DHX34: variants seen among roughly 807,000 people sequenced by gnomAD.
DHX34 encodes probable ATP-dependent RNA helicase DHX34.
A neutral mutation model predicts 111.1 loss-of-function variants in DHX34; 96 were observed. That is an observed-to-expected ratio of 0.86 (90% CI 0.73 to 1.02). The LOEUF is 1.02. DHX34 is among the 50% of genes least tolerant of loss of function. The probability of loss-of-function intolerance (pLI) is 0.00; values close to 1 mark genes in which losing one functional copy is unlikely to be tolerated. For missense variants in DHX34, 1,560 were observed against 1,579.9 expected (o/e 0.99, Z 0.21); for synonymous variants, 688 against 670.4 (o/e 1.03, Z -0.41).
At chr19:47,374,664 C>G (rs1775753223) in intron 9 of DHX34, among the ~76,000 whole-genome samples, 2 of 152,018 alleles carry the variant, frequency 1.3e-5, no homozygotes, top group African/African-American at 4.8e-5. Context: ...ACCCAGCCGA[C>G]ACCTCCGGTA....
At chr19:47,349,791 A>G (rs1387175451) in intron 1 of DHX34, among the ~76,000 whole-genome samples, 2 of 152,110 alleles carry the variant, frequency 1.3e-5, no homozygotes, top group East Asian at 1.9e-4. Context: ...AAAAAATGGA[A>G]TTTAGATGGA....
At chr19:47,358,149 CGGGG>C in intron 4 of DHX34, 29 bp downstream of exon 4, 1 of 1,592,788 alleles carries the variant, frequency 6.3e-7, no homozygotes, top group South Asian at 1.1e-5. Flanking sequence ...GTGGGGCAGG[CGGGG>C]GGTCTGCATG....
chr19:47,375,829 C>G, intron 10 of DHX34, 95 bp from the exon 11 acceptor site: 1 of 1,543,838 alleles, frequency 6.5e-7, no homozygotes, highest in Non-Finnish European at 8.7e-7. Flanking sequence ...ATGGACGGTG[C>G]TTGGTCCCAG....
intron 16 of DHX34, 102 bp from the exon 17 acceptor site, chr19:47,381,878 G>A: frequency 1.3e-6 from 2 of 1,567,284 alleles, no homozygotes; most frequent in Non-Finnish European, 1.7e-6. Context: ...TTCTCCAAAG[G>A]CCAGGAGAGA....
Position 47,375,595 on chromosome 19 carries a change from G to A in DHX34, c.2194G>A (p.Ala732Thr), listed in dbSNP as rs1464050965. 8.4e-6 allele frequency: 13 copies of A among 1,546,670 alleles called. No individual in the cohort carries two copies. Among genetic ancestry groups the A allele is most frequent in the Middle Eastern group, 3.4e-4 (2 of 5,940 alleles). The change falls in exon 10 of 17, where the codon GCG becomes ACG. Residue 732 changes from alanine (A) to threonine (T), a missense_variant. Physicochemically the swap from Ala to Thr is moderately conservative, Grantham distance 58. Coordinates refer to ENST00000328771, the MANE Select transcript of DHX34 (RefSeq NM_014681.6). ...GCTGAAACGCCAGCACGAGGAGGGC[G>A]CGGGGCGCAGGCGCAAGGTGCTGCG... ...HQLKRQHEEG[A>T]GRRRKVLRLQ...
Position 47,376,832 on chromosome 19 carries a change from A to G in DHX34, c.2600-268A>G, listed in dbSNP as rs1568406427. On this transcript the variant is annotated intron_variant, in intron 12 of 16. Transcript: ENST00000328771. Reference sequence around the variant, plus strand: ...GAGCACCGGTCAGGGGGCCTGTCCTATGGACTCTGTGAGCTCCCAGGTGGG... The same window carrying G: ...GAGCACCGGTCAGGGGGCCTGTCCTGTGGACTCTGTGAGCTCCCAGGTGGG... 14 of 1,529,372 alleles carry G rather than the reference A, an allele frequency of 9.2e-6. No homozygotes were observed. In the East Asian group the frequency reaches 1.5e-4, roughly 16 times the overall value. The allele number at this position is 1,529,372 out of a possible 1,614,324, so 94.7% of individuals were successfully genotyped here.
rs375987145 is a variant in DHX34, at chr19:47,353,409, G to A, written c.379G>A (p.Ala127Thr). ...TCAGGGACTGGGCAGGCACTTGCCC[G>A]CGGAGAGAGTGGCTGAGTTCCGCCG... ...GSQGLGRHLP[A>T]ERVAEFRRAL... The change falls in exon 2 of 17, where the codon GCG (alanine) becomes ACG (threonine). Residue 127 changes from alanine to threonine, a missense_variant. Physicochemically the swap from Ala to Thr is moderately conservative, Grantham distance 58. Coordinates refer to ENST00000328771, the MANE Select transcript of DHX34 (RefSeq NM_014681.6). The surrounding 1 kb of genome is among the most constrained non-coding windows in gnomAD (Gnocchi z 4.6). 29 of 1,614,194 alleles carry A rather than the reference G, an allele frequency of 1.8e-5. No homozygotes were observed. The Admixed American group carries it at 3.2e-4, about 18-fold the overall frequency.
rs753241070 is a variant in DHX34, at chr19:47,352,987, G to C, written c.-44G>C. 2 of 1,570,284 alleles carry C rather than the reference G, an allele frequency of 1.3e-6. No homozygotes were observed. Among genetic ancestry groups the C allele is most frequent in the Non-Finnish European group, 8.7e-7 (1 of 1,155,156 alleles). ...AGGTGGGGAATGGATGAGAATATTT[G>C]TTTTGGGTGATCAGAACTGAGACTC... On this transcript the variant is annotated 5_prime_UTR_variant, in exon 2 of 17. Transcript: ENST00000328771.
rs534005365 is a variant in DHX34 at position 47,360,138 on chromosome 19, C to T, written c.1375+68C>T. 2.0e-4 allele frequency: 304 copies of T among 1,487,762 alleles called. No homozygotes were observed. In the South Asian group the frequency reaches 2.3e-3, roughly 11 times the overall value. The allele number at this position is 1,487,762 out of a possible 1,614,324, so 92.2% of individuals were successfully genotyped here. A position where few individuals can be genotyped will look rare whatever the true frequency, so the allele number is the denominator to read the frequency against. The stretch of plus-strand genomic sequence containing the variant: ...TAGGAGCATGGGGTCCGGAGGTGTG[C>T]GTGTGTGGCAGGGGCGCACCAGCTT... On this transcript the variant is annotated intron_variant, in intron 5 of 16. Transcript: ENST00000328771.
chr19:47,355,142 T>C lies in DHX34; in HGVS notation c.809T>C (p.Leu270Pro). 6.2e-7 allele frequency: 1 copy of C among 1,614,110 alleles called. No homozygotes were observed. The highest frequency in any genetic ancestry group is 8.5e-7 in the Non-Finnish European group (1 of 1,180,028). ...CGACAAATCCAGCGGGAACCCAGCC[T>C]GCCCCAGTATGAGGTCCTGATTGTG... is the stretch of plus-strand genomic sequence containing the variant. Reference protein sequence around the residue: ...LLRQIQREPSLPQYEVLIVDE... With the variant: ...LLRQIQREPSPPQYEVLIVDE... Residue 270 changes from leucine (L) to proline (P), a missense_variant, in exon 3 of 17, where the codon CTG becomes CCG. Coordinates refer to ENST00000328771, the MANE Select transcript of DHX34 (RefSeq NM_014681.6).
At chr19:47,357,265 T>C (rs934430021) in intron 3 of DHX34, among the ~76,000 whole-genome samples, 2 of 152,226 alleles carry the variant, frequency 1.3e-5, no homozygotes, top group African/African-American at 4.8e-5. Flanking sequence ...AGATAATGCA[T>C]GCATTGTAAG....
In DHX34 at chr19:47,372,808, C is replaced by T. The variant is rs760291988; in HGVS notation, c.1847C>T (p.Ser616Leu). The part of the protein sequence containing the change: ...LTIAAALSVQ[S>L]PFTRSAQSSP... ...ATCGCAGCCGCACTTAGCGTCCAGT[C>T]GCCCTTCACCCGCAGCGCCCAGAGC... is the stretch of plus-strand genomic sequence containing the variant. The change falls in exon 8 of 17, where the codon TCG becomes TTG. Residue 616 changes from serine to leucine, a missense_variant. Physicochemically the swap from Ser to Leu is moderately radical, Grantham distance 145. Transcript: ENST00000328771. 36 of 1,613,016 alleles carry T rather than the reference C, an allele frequency of 2.2e-5. No individual in the cohort carries two copies. Among genetic ancestry groups the T allele is most frequent in the Non-Finnish European group, 2.7e-5 (32 of 1,179,856 alleles).
intron 15 of DHX34, 66 bp from the exon 16 acceptor site, chr19:47,381,119 CG>C (rs201698827): frequency 2.5e-5 from 40 of 1,597,862 alleles, no homozygotes; most frequent in African/African-American, 6.7e-5. Context: ...GGAAGGGTCC[CG>C]GGGGGGCACT....
Position 47,353,344 on chromosome 19 carries a change from G to A in DHX34, c.314G>A (p.Arg105His), listed in dbSNP as rs773853473. ...CCTCGCACTTACGACCCACGTTACC[G>A]CATCAACCTCTCTGTTCTTGGCCCT... ...DLPRTYDPRYRINLSVLGPAT... is the reference protein window; with the variant it reads ...DLPRTYDPRYHINLSVLGPAT... The change falls in exon 2 of 17, where the codon CGC becomes CAC. Residue 105 changes from arginine to histidine, a missense_variant. By Grantham distance (29) the Arg-to-His change is conservative. Coordinates refer to ENST00000328771, the MANE Select transcript of DHX34 (RefSeq NM_014681.6). The surrounding 1 kb of genome is among the most constrained non-coding windows in gnomAD (Gnocchi z 4.6). 2.5e-6 allele frequency: 4 copies of A among 1,614,114 alleles called. No individual in the cohort carries two copies. The highest frequency in any genetic ancestry group is 1.6e-4 in the Middle Eastern group (1 of 6,062).
chr19:47,378,868 G>A (rs564095832), intron 13 of DHX34, among the ~76,000 whole-genome samples: 2 of 151,946 alleles, frequency 1.3e-5, no homozygotes, highest in East Asian at 3.9e-4. Context: ...GGTGGCTCAC[G>A]CCTATAATCC....
At position 47,355,361 on chromosome 19, in the gene DHX34, C is replaced by T. The variant is rs563089988; in HGVS notation, c.1017+11C>T. The T allele has an allele frequency of 6.2e-7, 1 of 1,606,222 alleles. No individual in the cohort carries two copies. The highest frequency in any genetic ancestry group is 8.5e-7 in the Non-Finnish European group (1 of 1,173,788). On this transcript the variant is annotated intron_variant, in intron 3 of 16. Transcript: ENST00000328771. Reference sequence around the variant, plus strand: ...CTGTTCCCCATCACGGTGAGTACTTCCCCCTCCTCCCACATCCCCAGACCT... The same window carrying T: ...CTGTTCCCCATCACGGTGAGTACTTTCCCCTCCTCCCACATCCCCAGACCT...
At chr19:47,373,758 ACT>A in intron 9 of DHX34, 58 bp downstream of exon 9, 1 of 1,561,980 alleles carries the variant, frequency 6.4e-7, no homozygotes, top group Non-Finnish European at 8.7e-7. Context: ...GTGTAAGCAC[ACT>A]CCAGAACACT....
chr19:47,372,476 T>C (rs771714742), intron 7 of DHX34: 9 of 437,416 alleles, frequency 2.1e-5, no homozygotes, highest in Middle Eastern at 1.1e-3. Context: ...CAGTATCTCC[T>C]GTGTGTCCAA....
At position 47,373,572 on chromosome 19, in the gene DHX34, C is replaced by T. The variant is rs1350862072; in HGVS notation, c.1963-27C>T. On this transcript the variant is annotated intron_variant, in intron 8 of 16. Transcript: ENST00000328771. ...CCTCCCCGCACTGGCCAGGCCCTGA[C>T]ACCCTGGCGTCTGCTCCTCCACCCA... is the stretch of plus-strand genomic sequence containing the variant. 7.5e-6 allele frequency: 12 copies of T among 1,607,280 alleles called. No individual in the cohort carries two copies. In the Admixed American group the frequency reaches 1.7e-4, roughly 23 times the overall value.
Sources: gnomAD v4.1 joint callset for allele counts (sites outside exome capture counted in the v4.1 genomes callset) on GRCh38, gnomAD v4.1.1 for gene constraint, Gnocchi (gnomAD v3.1) non-coding constraint, MANE v1.5 for transcripts, NCBI Gene and HGNC (gene_info 2026-07-23, HGNC 2026-07-21) for gene names.